The following PDCD11 variants were observed in gnomAD, a reference collection of about 807,000 sequenced individuals.
PDCD11 encodes the protein protein RRP5 homolog.
PDCD11 carries 97 observed loss-of-function variants against 198.9 expected under a neutral mutation model. The observed-to-expected ratio is 0.49, with a 90% CI of 0.41 to 0.58. PDCD11 has a LOEUF of 0.58. Ranked by LOEUF, PDCD11 falls within the 20% of genes least tolerant of loss-of-function variation. The pLI is 0.00. For synonymous variants in PDCD11, 893 were observed against 918.0 expected, an observed-to-expected ratio of 0.97 and a Z score of 0.49; for missense variants, 2,102 against 2,312.7, an observed-to-expected ratio of 0.91 and a Z score of 1.87.
Position 103,405,187 on chromosome 10 carries a change from G to A in PDCD11, c.564+4G>A. ...TGAGGCCCTGAAGCCTGGCATGGTA[G>A]GTGTCTAGGGTCGGGGAGGAAGAGT... On this transcript the variant is annotated splice_donor_region_variant and intron_variant, in intron 5 of 35. Transcript: ENST00000369797. 1 of 1,612,756 alleles carries A rather than the reference G, an allele frequency of 6.2e-7. No individual in the cohort carries two copies. Among genetic ancestry groups the A allele is most frequent in the Non-Finnish European group, 8.5e-7 (1 of 1,179,722 alleles).
In PDCD11 at chr10:103,406,111, G is replaced by A. The variant is rs2133681703; in HGVS notation, c.688+3G>A. 1 of 1,613,958 alleles carries A rather than the reference G, an allele frequency of 6.2e-7. No individual in the cohort carries two copies. The highest frequency in any genetic ancestry group is 8.5e-7 in the Non-Finnish European group (1 of 1,179,902). On this transcript the variant is annotated splice_donor_region_variant and intron_variant, in intron 6 of 35. Coordinates refer to ENST00000369797, the MANE Select transcript of PDCD11 (RefSeq NM_014976.2). ...GTACATCAGACAGAAGAACAAAGGT[G>A]AGGGCAAGAAAAGGGGCCAGTACAT...
chr10:103,443,726 T>A (rs1478029843), intron 33 of PDCD11, among the ~76,000 whole-genome samples, 189 bp from the exon 34 acceptor site: 1 of 152,178 alleles, frequency 6.6e-6, no homozygotes, highest in African/African-American at 2.4e-5. Flanking sequence ...CCCTCCGTCG[T>A]GTTGTGCCTG....
intron 7 of PDCD11, among the ~76,000 whole-genome samples, chr10:103,407,929 G>T (rs538127812): frequency 6.6e-6 from 1 of 152,008 alleles, no homozygotes; most frequent in Non-Finnish European, 1.5e-5. Context: ...ATGTTGGCCA[G>T]GCTTGTGTCA....
intron 17 of PDCD11, among the ~76,000 whole-genome samples, chr10:103,422,604 C>T (rs1338182626): frequency 1.3e-5 from 2 of 152,004 alleles, no homozygotes; most frequent in African/African-American, 4.8e-5. Flanking sequence ...TGGGACCTGC[C>T]AGGCTTTGTG....
At chr10:103,442,747 A>G (rs995136188) in intron 32 of PDCD11, among the ~76,000 whole-genome samples, 1 of 152,238 alleles carries the variant, frequency 6.6e-6, no homozygotes, top group Non-Finnish European at 1.5e-5. Context: ...GTAAGAAAAG[A>G]ACTCACTACA....
intron 20 of PDCD11, 128 bp from the exon 21 acceptor site, chr10:103,427,201 G>A: frequency 1.3e-6 from 1 of 779,542 alleles, no homozygotes. Flanking sequence ...TGTCTTCAGT[G>A]GTGGTGTGAC....
In PDCD11 at chr10:103,442,460, G is replaced by T; in HGVS notation, c.4955G>T (p.Arg1652Ile). The change falls in exon 32 of 36, where the codon AGA becomes ATA. Residue 1652 changes from arginine (R) to isoleucine (I), a missense_variant and splice_region_variant. By Grantham distance (97) the Arg-to-Ile change is moderately conservative. Transcript: ENST00000369797. ...AGGGCCCTTAAGACCATCTCCTTCAGGTCTCAGCTTTGCCCCAGGGAGCAC... is the reference window on the plus strand; with the variant it reads ...AGGGCCCTTAAGACCATCTCCTTCATGTCTCAGCTTTGCCCCAGGGAGCAC... The part of the protein sequence containing the change: ...AERALKTISF[R>I]EEQEKLNVWV... 1.2e-6 allele frequency: 2 copies of T among 1,612,704 alleles called. No individual in the cohort carries two copies. The highest frequency in any genetic ancestry group is 1.7e-6 in the Non-Finnish European group (2 of 1,179,372).
At chr10:103,403,432 C>G (rs2030239182) in intron 4 of PDCD11, 147 bp downstream of exon 4, 1 of 703,240 alleles carries the variant, frequency 1.4e-6, no homozygotes, top group African/African-American at 1.8e-5. Flanking sequence ...AGTCTGGGAG[C>G]CTGGAAGACT....
chr10:103,433,488 C>G (rs148567308), intron 22 of PDCD11, among the ~76,000 whole-genome samples: 321 of 152,116 alleles, frequency 2.1e-3, no homozygotes, highest in Admixed American at 2.4e-3. Context: ...CAGAGCGAGA[C>G]TCTGTCTCAA....
chr10:103,444,410 TG>T (rs1236819535), intron 34 of PDCD11, 106 bp from the exon 35 acceptor site: 1 of 1,134,354 alleles, frequency 8.8e-7, no homozygotes. Flanking sequence ...ACCTGAGTCT[TG>T]GGACCCAAGA....
chr10:103,422,269 C>T (rs1182413355), intron 17 of PDCD11, among the ~76,000 whole-genome samples: 1 of 151,446 alleles, frequency 6.6e-6, no homozygotes, highest in Non-Finnish European at 1.5e-5. Context: ...TTAGAGAAGA[C>T]AGGGTTTCGC....
At chr10:103,414,493 TC>T (rs1424711844) in intron 11 of PDCD11, among the ~76,000 whole-genome samples, 163 bp downstream of exon 11, 1 of 152,206 alleles carries the variant, frequency 6.6e-6, no homozygotes, top group Non-Finnish European at 1.5e-5. Context: ...TTTGGGTAAC[TC>T]ATAGTTAATT....
rs759651009 is a variant in PDCD11, at chr10:103,442,313, A to C, written c.4808A>C (p.Glu1603Ala). 2 of 1,614,252 alleles carry C rather than the reference A, an allele frequency of 1.2e-6. No homozygotes were observed. Among genetic ancestry groups the C allele is most frequent in the South Asian group, 1.1e-5 (1 of 91,086 alleles). ...EALMDPGRQP[E>A]SADDFDRLVL... Reference sequence around the variant, plus strand: ...CTGATGGATCCTGGGCGGCAGCCAGAGTCCGCGGATGATTTTGACCGACTG... The same window carrying C: ...CTGATGGATCCTGGGCGGCAGCCAGCGTCCGCGGATGATTTTGACCGACTG... Residue 1603 changes from glutamate to alanine, a missense_variant, in exon 32 of 36, where the codon GAG (glutamate) becomes GCG (alanine). By Grantham distance (107) the Glu-to-Ala change is moderately radical. Coordinates refer to ENST00000369797, the MANE Select transcript of PDCD11 (RefSeq NM_014976.2).
chr10:103,415,081 T>C lies in PDCD11; in HGVS notation c.1448T>C (p.Met483Thr). 1 of 1,613,952 alleles carries C rather than the reference T, an allele frequency of 6.2e-7. No individual in the cohort carries two copies. The highest frequency in any genetic ancestry group is 8.5e-7 in the Non-Finnish European group (1 of 1,179,862). The change falls in exon 12 of 36, where the codon ATG (methionine) becomes ACG (threonine). Residue 483 changes from methionine (M) to threonine (T), a missense_variant. Transcript: ENST00000369797. ...CAGATGAGGGGCCTGGTACCTCCCA[T>C]GCACCTGGCTGACATCCTGATGAAG... ...GEQMRGLVPP[M>T]HLADILMKNP...
intron 23 of PDCD11, 46 bp downstream of exon 23, chr10:103,434,083 G>A (rs1053763529): frequency 2.7e-6 from 4 of 1,474,154 alleles, no homozygotes; most frequent in Admixed American, 1.7e-5. Flanking sequence ...AGTTCCCTAA[G>A]CTTGGCCCAG....
In PDCD11 at chr10:103,398,399, C is replaced by G; in HGVS notation, c.-11-17C>G. 2 of 1,446,130 alleles carry G rather than the reference C, an allele frequency of 1.4e-6. No individual in the cohort carries two copies. Among genetic ancestry groups the G allele is most frequent in the Non-Finnish European group, 9.7e-7 (1 of 1,026,842 alleles). The allele number at this position is 1,446,130 out of a possible 1,614,324, so 89.6% of individuals were successfully genotyped here. On this transcript the variant is annotated splice_polypyrimidine_tract_variant and intron_variant, in intron 1 of 35. Coordinates refer to ENST00000369797, the MANE Select transcript of PDCD11 (RefSeq NM_014976.2). The stretch of plus-strand genomic sequence containing the variant: ...ACCAAGACAACATGTCACCATTATC[C>G]TTTGCATTGTTTTTAGGAGACCCAA...
rs780803554 is a variant in PDCD11, at chr10:103,413,135, G to A, written c.998G>A (p.Cys333Tyr). ...SNQAVRACILCVHPRTRVVHL... is the reference protein window; with the variant it reads ...SNQAVRACILYVHPRTRVVHL... Reference sequence around the variant, plus strand: ...GTCTAGGTGAGGGCCTGCATCCTTTGCGTCCATCCTCGAACCAGAGTTGTG... The same window carrying A: ...GTCTAGGTGAGGGCCTGCATCCTTTACGTCCATCCTCGAACCAGAGTTGTG... Residue 333 changes from cysteine to tyrosine, a missense_variant, in exon 9 of 36, where the codon TGC becomes TAC. Transcript: ENST00000369797. 1 of 1,614,054 alleles carries A rather than the reference G, an allele frequency of 6.2e-7. No homozygotes were observed.
chr10:103,422,636 C>T (rs569488803), intron 17 of PDCD11, among the ~76,000 whole-genome samples: 2 of 152,102 alleles, frequency 1.3e-5, no homozygotes, highest in East Asian at 3.9e-4. Context: ...TTCTGACCCT[C>T]TTAGACTTTG....
intron 1 of PDCD11, among the ~76,000 whole-genome samples, chr10:103,397,287 C>G (rs2093441650): frequency 6.7e-6 from 1 of 150,212 alleles, no homozygotes; most frequent in Non-Finnish European, 1.5e-5. Flanking sequence ...AATTTACTTG[C>G]CTTCAATACT....
Sources: allele counts gnomAD v4.1 joint callset (sites outside exome capture counted in the v4.1 genomes callset), GRCh38; gene constraint gnomAD v4.1.1; transcripts MANE v1.5; gene names NCBI Gene and HGNC (gene_info 2026-07-23, HGNC 2026-07-21).